Variants in B4GALT3 observed in about 807,000 individuals in gnomAD.
B4GALT3 encodes the protein N-acetyllactosamine synthase.
In B4GALT3, 29 loss-of-function variants were observed where a neutral mutation model predicts 40.7. The observed-to-expected ratio is 0.71, with a 90% CI of 0.53 to 0.97. B4GALT3 has a LOEUF of 0.97. Among genes scored for constraint, B4GALT3 ranks in the 50% least tolerant of loss-of-function variants. The probability of loss-of-function intolerance (pLI) is 0.00; values close to 1 mark genes in which losing one functional copy is unlikely to be tolerated. For missense variants in B4GALT3, 390 were observed against 522.3 expected (o/e 0.75, Z 2.47); for synonymous variants, 182 against 203.9 (o/e 0.89, Z 0.92).
At chr1:161,177,189 G>A in intron 1 of B4GALT3, 1 of 982,254 alleles carries the variant, frequency 1.0e-6, no homozygotes, top group Non-Finnish European at 1.5e-6. Context: ...CGTGGTCCGC[G>A]CTGTGGAGGG....
chr1:161,171,896 CTT>C lies in B4GALT3; in HGVS notation c.1100_1101del (p.Gln367ArgfsTer35). ...YPPGSSQAFR[Q>X]EMLQRRPPAR... ...GCTGGGGGCCGGCGTTGCAGCATCTCTTGACGGAAGGCTTGGGAGGAACCAGG... is the reference window on the plus strand; with the variant it reads ...GCTGGGGGCCGGCGTTGCAGCATCTCGACGGAAGGCTTGGGAGGAACCAGG... On this transcript the variant is annotated frameshift_variant, in exon 8 of 8. Coordinates refer to ENST00000319769, the MANE Select transcript of B4GALT3 (RefSeq NM_003779.4). LOFTEE classifies it high-confidence loss of function. 1 of 1,614,200 alleles carries C rather than the reference CTT, an allele frequency of 6.2e-7. No homozygotes were observed.
chr1:161,172,628 CAGAG>C (rs1180105029), intron 6 of B4GALT3, among the ~76,000 whole-genome samples: 1 of 152,180 alleles, frequency 6.6e-6, no homozygotes, highest in East Asian at 1.9e-4. Flanking sequence ...AGGAAGGACG[CAGAG>C]AGAGGCCATT....
chr1:161,174,819 G>A, intron 4 of B4GALT3, 174 bp downstream of exon 4: 2 of 663,676 alleles, frequency 3.0e-6, no homozygotes, highest in Non-Finnish European at 5.2e-6. Context: ...GCAGATTAAG[G>A]AAAAGTATGG....
In B4GALT3 at chr1:161,173,570, G is replaced by A. The variant is rs370500860; in HGVS notation, c.803+35C>T. The A allele has an allele frequency of 5.0e-6, 8 of 1,612,616 alleles. No individual in the cohort carries two copies. The African/African-American group carries it at 1.1e-4, about 22-fold the overall frequency. ...GTCTTAGAGGACAGGGATCCAGACT[G>A]GGGTCAGGAGGGAGGAAGTGGCAGG... On this transcript the variant is annotated intron_variant, in intron 6 of 7. Coordinates refer to ENST00000319769, the MANE Select transcript of B4GALT3 (RefSeq NM_003779.4).
rs1454462938 is a variant in B4GALT3 at position 161,173,968 on chromosome 1, G to A, written c.571C>T (p.Leu191=). The change falls in exon 5 of 8, where the codon CTG becomes TTG. Residue 191 remains leucine, a synonymous_variant. Coordinates refer to ENST00000319769, the MANE Select transcript of B4GALT3 (RefSeq NM_003779.4). ...EALRDEEWDC[L]FLHDVDLLPE... ...AAGAGGTCCACATCGTGCAAGAACA[G>A]GCAGTCCCACTCTTCATCACGCAGG... The A allele has an allele frequency of 6.2e-7, 1 of 1,614,168 alleles. No individual in the cohort carries two copies. The highest frequency in any genetic ancestry group is 8.5e-7 in the Non-Finnish European group (1 of 1,180,042).
In B4GALT3 at chr1:161,171,626, AG is replaced by A. The variant is rs1305665471; in HGVS notation, c.*189del. 1 of 723,342 alleles carries A rather than the reference AG, an allele frequency of 1.4e-6. No homozygotes were observed. The highest frequency in any genetic ancestry group is 2.2e-6 in the Non-Finnish European group (1 of 448,258). The allele number at this position is 723,342 out of a possible 1,614,324, so 44.8% of individuals were successfully genotyped here. A position where few individuals can be genotyped will look rare whatever the true frequency, so the allele number is the denominator to read the frequency against. Reference sequence around the variant, plus strand: ...AGTCATAAGCCCTACAGGAGACCCTAGAGAGAGGGACCCCTCAGGTCTACAG... The same window carrying A: ...AGTCATAAGCCCTACAGGAGACCCTAAGAGAGGGACCCCTCAGGTCTACAG... On this transcript the variant is annotated 3_prime_UTR_variant, in exon 8 of 8. Coordinates refer to ENST00000319769, the MANE Select transcript of B4GALT3 (RefSeq NM_003779.4).
At chr1:161,176,200 G>A (rs1283723292) in intron 2 of B4GALT3, 126 bp from the exon 3 acceptor site, 1 of 1,061,632 alleles carries the variant, frequency 9.4e-7, no homozygotes, top group African/African-American at 1.6e-5. Flanking sequence ...AGTCACAGAA[G>A]GGAGCACACA....
chr1:161,174,684 G>A (rs1285663380), intron 4 of B4GALT3, among the ~76,000 whole-genome samples: 2 of 152,166 alleles, frequency 1.3e-5, no homozygotes, highest in Non-Finnish European at 2.9e-5. Context: ...ATCTTGCTCA[G>A]AGTCATACAT....
chr1:161,175,131 T>G lies in B4GALT3; in HGVS notation c.351A>C (p.Ala117=), dbSNP rs749806132. The G allele has an allele frequency of 1.2e-6, 2 of 1,614,026 alleles. No homozygotes were observed. The highest frequency in any genetic ancestry group is 2.2e-5 in the South Asian group (2 of 91,074). The change falls in exon 4 of 8, where the codon GCA becomes GCC. Residue 117 remains alanine (A), a synonymous_variant. Coordinates refer to ENST00000319769, the MANE Select transcript of B4GALT3 (RefSeq NM_003779.4). ...RVEPGGRYRP[A]GCEPRSRTAI... Reference sequence around the variant, plus strand: ...CTGTTCGGGAGCGGGGCTCACAACCTGCAGGGCGGTACCGGCCCCCTGGTT... The same window carrying G: ...CTGTTCGGGAGCGGGGCTCACAACCGGCAGGGCGGTACCGGCCCCCTGGTT...
Position 161,171,855 on chromosome 1 carries a change from T to TAA in B4GALT3, c.1142_1143insTT (p.Ser382TyrfsTer56). The TAA allele has an allele frequency of 6.2e-7, 1 of 1,614,114 alleles. No homozygotes were observed. The highest frequency in any genetic ancestry group is 8.5e-7 in the Non-Finnish European group (1 of 1,180,030). On this transcript the variant is annotated frameshift_variant, in exon 8 of 8. Coordinates refer to ENST00000319769, the MANE Select transcript of B4GALT3 (RefSeq NM_003779.4). LOFTEE classifies it high-confidence loss of function. ...GGAGGGCTGTGTGGTTGGCAGTAGA[T>TAA]AGAGGCCCAGGCCTGGCTGGGGGCC...
At chr1:161,172,870 AG>A (rs1461975380) in intron 6 of B4GALT3, among the ~76,000 whole-genome samples, 1 of 150,010 alleles carries the variant, frequency 6.7e-6, no homozygotes, top group African/African-American at 2.5e-5. Flanking sequence ...CTAGAGAAAA[AG>A]AAAAAAAAAA....
chr1:161,176,166 TAA>T (rs1663441173), intron 2 of B4GALT3, 92 bp from the exon 3 acceptor site: 2 of 1,391,778 alleles, frequency 1.4e-6, no homozygotes, highest in African/African-American at 2.9e-5. Context: ...ATGCCAGGGG[TAA>T]AGAGGAAAAA....
In B4GALT3 at chr1:161,171,581, T is replaced by C; in HGVS notation, c.*235A>G. 1 of 622,312 alleles carries C rather than the reference T, an allele frequency of 1.6e-6. No individual in the cohort carries two copies. The highest frequency in any genetic ancestry group is 2.8e-6 in the Non-Finnish European group (1 of 361,962). 38.5% of individuals were successfully genotyped at this position (622,312 alleles called of 1,614,324 possible). On this transcript the variant is annotated 3_prime_UTR_variant, in exon 8 of 8. Coordinates refer to ENST00000319769, the MANE Select transcript of B4GALT3 (RefSeq NM_003779.4). The stretch of plus-strand genomic sequence containing the variant: ...GACTCCTAGGAATCGTCACATAAAA[T>C]CATGACATCAAGGATTCACAGTCAT...
chr1:161,173,980 C>T lies in B4GALT3; in HGVS notation c.559G>A (p.Glu187Lys). 6.2e-7 allele frequency: 1 copy of T among 1,614,172 alleles called. No homozygotes were observed. The highest frequency in any genetic ancestry group is 1.1e-5 in the South Asian group (1 of 91,082). Residue 187 changes from glutamate (E) to lysine (K), a missense_variant, in exon 5 of 8, where the codon GAG becomes AAG. This residue lies in a region of B4GALT3 where 135 missense variants were observed against 227.8 expected (regional missense o/e 0.59). Coordinates refer to ENST00000319769, the MANE Select transcript of B4GALT3 (RefSeq NM_003779.4). ...VGVREALRDE[E>K]WDCLFLHDVD... ...TCGTGCAAGAACAGGCAGTCCCACT[C>T]TTCATCACGCAGGGCCTCTCGCACC...
At chr1:161,176,861 T>C (rs1304796443) in intron 1 of B4GALT3, 24 of 1,535,686 alleles carry the variant, frequency 1.6e-5, no homozygotes, top group South Asian at 5.9e-5. Context: ...CAAGAACCAG[T>C]TGAAGTGGCG....
chr1:161,175,313 G>T, intron 3 of B4GALT3, 85 bp from the exon 4 acceptor site: 2 of 1,218,304 alleles, frequency 1.6e-6, no homozygotes, highest in Non-Finnish European at 2.3e-6. Context: ...CTCTGACACT[G>T]GCAGTCTGGT....
chr1:161,175,017 A>C lies in B4GALT3; in HGVS notation c.465T>G (p.Ala155=), dbSNP rs749432239. The change falls in exon 4 of 8, where the codon GCT becomes GCG. Residue 155 remains alanine (A), a synonymous_variant. Coordinates refer to ENST00000319769, the MANE Select transcript of B4GALT3 (RefSeq NM_003779.4). ...LHPFLQRQQL[A]YGIYVIHQAG... Reference sequence around the variant, plus strand: ...CCTGGTGGATGACATAGATGCCATAAGCAAGCTGCTGGCGCTGCAAGAAGG... The same window carrying C: ...CCTGGTGGATGACATAGATGCCATACGCAAGCTGCTGGCGCTGCAAGAAGG... 14 of 1,613,566 alleles carry C rather than the reference A, an allele frequency of 8.7e-6. No homozygotes were observed. Among genetic ancestry groups the C allele is most frequent in the Non-Finnish European group, 1.2e-5 (14 of 1,179,888 alleles).
chr1:161,174,094 C>G, intron 4 of B4GALT3, 45 bp from the exon 5 acceptor site: 1 of 1,586,994 alleles, frequency 6.3e-7, no homozygotes, highest in African/African-American at 1.3e-5. Context: ...GTAGGTGGCA[C>G]GGAGAAAAGG....
chr1:161,172,025 G>C lies in B4GALT3; in HGVS notation c.973C>G (p.Gln325Glu), dbSNP rs762438234. 7.4e-5 allele frequency: 119 copies of C among 1,614,084 alleles called. No homozygotes were observed. The highest frequency in any genetic ancestry group is 9.6e-5 in the Non-Finnish European group (113 of 1,180,020). Residue 325 changes from glutamine to glutamate, a missense_variant, in exon 8 of 8, where the codon CAG (glutamine) becomes GAG (glutamate). This residue lies in a region of B4GALT3 where 135 missense variants were observed against 227.8 expected (regional missense o/e 0.59). Coordinates refer to ENST00000319769, the MANE Select transcript of B4GALT3 (RefSeq NM_003779.4). ...GGCCCCAGCTCTCGAGCCAGCAACTGGTATGTCAGTGAGTTCATCCCATCT... is the reference window on the plus strand; with the variant it reads ...GGCCCCAGCTCTCGAGCCAGCAACTCGTATGTCAGTGAGTTCATCCCATCT... ...TQDGMNSLTYQLLARELGPLY... is the reference protein window; with the variant it reads ...TQDGMNSLTYELLARELGPLY...
Sources: allele counts gnomAD v4.1 joint callset (sites outside exome capture counted in the v4.1 genomes callset), GRCh38; gene constraint gnomAD v4.1.1; regional missense constraint gnomAD v4.1.1; transcripts MANE v1.5; gene names NCBI Gene and HGNC (gene_info 2026-07-23, HGNC 2026-07-21).